Variants in ALS2CL observed in about 807,000 individuals in gnomAD.
ALS2CL encodes ALS2 C-terminal-like protein.
Under a neutral mutation model 127.9 loss-of-function variants are expected in ALS2CL, and 112 were observed. The ratio of observed to expected loss-of-function variants is 0.88; its 90% CI spans 0.75 to 1.02. ALS2CL has a LOEUF of 1.02. Among genes scored for constraint, ALS2CL ranks in the 50% least tolerant of loss-of-function variants. The pLI, the probability that ALS2CL is intolerant of heterozygous loss-of-function variation, is 0.00. For missense variants in ALS2CL, 1,174 were observed against 1,236.7 expected (o/e 0.95, Z 0.76); for synonymous variants, 519 against 527.6 (o/e 0.98, Z 0.22).
chr3:46,683,432 T>C (rs1436908225), intron 9 of ALS2CL, 106 bp from the exon 10 acceptor site: 5 of 1,152,122 alleles, frequency 4.3e-6, no homozygotes, highest in Non-Finnish European at 6.2e-6. Flanking sequence ...ACCCTCCACC[T>C]CCTACTCCAT....
chr3:46,670,967 G>A lies in ALS2CL; in HGVS notation c.*17C>T. On this transcript the variant is annotated 3_prime_UTR_variant, in exon 26 of 26. Coordinates refer to ENST00000318962, the MANE Select transcript of ALS2CL (RefSeq NM_147129.5). The surrounding 1 kb of genome is among the most constrained non-coding windows in gnomAD (Gnocchi z 5.5). ...AGTGCCCTGCTCAGCTCTTCAGTCT[G>A]TCCAGGAAAGGCCAGGCTACCAGAG... 1 of 1,610,256 alleles carries A rather than the reference G, an allele frequency of 6.2e-7. No individual in the cohort carries two copies. The highest frequency in any genetic ancestry group is 8.5e-7 in the Non-Finnish European group (1 of 1,176,504).
At chr3:46,689,154 G>C (rs1000423727) in intron 2 of ALS2CL, among the ~76,000 whole-genome samples, 184 bp downstream of exon 2, 6 of 152,220 alleles carry the variant, frequency 3.9e-5, no homozygotes, top group Non-Finnish European at 8.8e-5. Context: ...GCTTGAACCT[G>C]GGAGGCAGAG....
At chr3:46,692,302 GGAGGAGGTGCTGAACCTTAATAT>G in intron 1 of ALS2CL, among the ~76,000 whole-genome samples, 1 of 152,280 alleles carries the variant, frequency 6.6e-6, no homozygotes, top group South Asian at 2.1e-4. Context: ...CAGGGCAGGA[GGAGGAGGTGCTGAACCTTAATAT>G]GAGGAGGATC....
chr3:46,679,577 G>A (rs1699156860), intron 14 of ALS2CL: 1 of 222,944 alleles, frequency 4.5e-6, no homozygotes, highest in Non-Finnish European at 8.8e-6. Context: ...AAGAAATGTG[G>A]GGCTTTCTCT....
At chr3:46,676,522 G>A in intron 18 of ALS2CL, 120 bp from the exon 19 acceptor site, 2 of 1,541,906 alleles carry the variant, frequency 1.3e-6, no homozygotes, top group Non-Finnish European at 1.8e-6. Flanking sequence ...GGTCCTCTGA[G>A]GACAAGGGAT....
intron 14 of ALS2CL, 115 bp downstream of exon 14, chr3:46,680,314 AC>A: frequency 8.7e-7 from 1 of 1,151,644 alleles, no homozygotes; most frequent in Non-Finnish European, 1.3e-6. Context: ...TCCCTCCAGC[AC>A]CCAGGAACAC....
chr3:46,681,105 A>C lies in ALS2CL; in HGVS notation c.1436+141T>G. On this transcript the variant is annotated intron_variant, in intron 13 of 25. Transcript: ENST00000318962. This position sits in a 1 kb window ranked among gnomAD's most constrained non-coding sequence, Gnocchi z 4.9. ...TTCGCTCAGCCTGAGCCTCCGCAGC[A>C]ACCGAGGGACTGGAGGGGAAGTGAG... The C allele has an allele frequency of 7.4e-7, 1 of 1,353,954 alleles. No individual in the cohort carries two copies. Among genetic ancestry groups the C allele is most frequent in the Non-Finnish European group, 1.0e-6 (1 of 955,388 alleles). The allele number at this position is 1,353,954 out of a possible 1,614,324, so 83.9% of individuals were successfully genotyped here.
intron 6 of ALS2CL, among the ~76,000 whole-genome samples, chr3:46,685,993 C>T (rs1046289764): frequency 6.6e-6 from 1 of 152,206 alleles, no homozygotes; most frequent in Admixed American, 6.5e-5. Flanking sequence ...GGGGACTCTC[C>T]TCCCTGCAGG....
chr3:46,670,961 C>T lies in ALS2CL; in HGVS notation c.*23G>A, dbSNP rs757945773. On this transcript the variant is annotated 3_prime_UTR_variant, in exon 26 of 26. Coordinates refer to ENST00000318962, the MANE Select transcript of ALS2CL (RefSeq NM_147129.5). This position sits in a 1 kb window ranked among gnomAD's most constrained non-coding sequence, Gnocchi z 5.5. ...GCTGGCAGTGCCCTGCTCAGCTCTTCAGTCTGTCCAGGAAAGGCCAGGCTA... is the reference window on the plus strand; with the variant it reads ...GCTGGCAGTGCCCTGCTCAGCTCTTTAGTCTGTCCAGGAAAGGCCAGGCTA... 1.2e-6 allele frequency: 2 copies of T among 1,606,516 alleles called. No individual in the cohort carries two copies. The highest frequency in any genetic ancestry group is 1.7e-6 in the Non-Finnish European group (2 of 1,173,160).
rs192612120 is a variant in ALS2CL at position 46,681,069 on chromosome 3, C to T, written c.1436+177G>A. The T allele has an allele frequency of 2.1e-5, 22 of 1,030,918 alleles. No individual in the cohort carries two copies. The East Asian group carries it at 4.1e-4, about 19-fold the overall frequency. The allele number at this position is 1,030,918 out of a possible 1,614,324, so 63.9% of individuals were successfully genotyped here. On this transcript the variant is annotated intron_variant, in intron 13 of 25. Coordinates refer to ENST00000318962, the MANE Select transcript of ALS2CL (RefSeq NM_147129.5). This position sits in a 1 kb window ranked among gnomAD's most constrained non-coding sequence, Gnocchi z 4.9. ...GGGGCGGGGGCGACCCTGCAGTCAG[C>T]GTGACCAAGATTCGCTCAGCCTGAG... is the stretch of plus-strand genomic sequence containing the variant.
intron 14 of ALS2CL, chr3:46,680,159 T>A: frequency 2.2e-6 from 1 of 450,998 alleles, no homozygotes; most frequent in East Asian, 3.5e-5. Flanking sequence ...CATGAGCAAG[T>A]GCTCCATTCT....
rs1477927463 is a variant in ALS2CL, at chr3:46,685,641, C to T, written c.670G>A (p.Val224Met). ...AGTCTGTGAGCAGGGGTGCAGAGCA[C>T]ATCCTGGTGGGGCAAAGAGGACAGT... ...WHTLRGRLRD[V>M]LCTPAHRLLQ... Residue 224 changes from valine to methionine, a missense_variant, in exon 7 of 26, where the codon GTG (valine) becomes ATG (methionine). By Grantham distance (21) the Val-to-Met change is conservative (BLOSUM62 1). Transcript: ENST00000318962. The T allele has an allele frequency of 6.2e-7, 1 of 1,613,388 alleles. No homozygotes were observed. Among genetic ancestry groups the T allele is most frequent in the African/African-American group, 1.3e-5 (1 of 74,898 alleles).
At chr3:46,682,287 G>A (rs56069285) in intron 10 of ALS2CL, among the ~76,000 whole-genome samples, 193 bp from the exon 11 acceptor site, 41,857 of 151,976 alleles carry the variant, frequency 0.28, 5,973 homozygotes, top group African/African-American at 0.34. Context: ...TGGCCCAACT[G>A]TACCAGCAGC....
At position 46,669,562 on chromosome 3, in the gene ALS2CL, G is replaced by A. The variant is rs1698241407; in HGVS notation, c.*1422C>T. 1 of 152,242 alleles carries A rather than the reference G, an allele frequency of 6.6e-6. No homozygotes were observed. The highest frequency in any genetic ancestry group is 2.4e-5 in the African/African-American group (1 of 41,442). The allele number at this position is 152,242 out of a possible 1,614,324, so 9.4% of individuals were successfully genotyped here. A position where few individuals can be genotyped will look rare whatever the true frequency, so the allele number is the denominator to read the frequency against. On this transcript the variant is annotated 3_prime_UTR_variant, in exon 26 of 26. Coordinates refer to ENST00000318962, the MANE Select transcript of ALS2CL (RefSeq NM_147129.5). ...GGAAAGGATAGAATCCTAGTGAGCT[G>A]CCCCAGTCCCGGTAAGCATGAGTGC... is the stretch of plus-strand genomic sequence containing the variant.
rs2106701205 is a variant in ALS2CL at position 46,676,670 on chromosome 3, G to A, written c.2000C>T (p.Pro667Leu). 1 of 1,613,470 alleles carries A rather than the reference G, an allele frequency of 6.2e-7. No individual in the cohort carries two copies. The highest frequency in any genetic ancestry group is 2.2e-5 in the East Asian group (1 of 44,864). The stretch of plus-strand genomic sequence containing the variant: ...CCTGAGGTACAGCTGCAGGGCCTTG[G>A]GCTCCCGGTGCTGCAGCAGCTCCTC... ...ILEELLQHREPKALQLYLRKA... is the reference protein window; with the variant it reads ...ILEELLQHRELKALQLYLRKA... The change falls in exon 18 of 26, where the codon CCC becomes CTC. Residue 667 changes from proline (P) to leucine (L), a missense_variant. Coordinates refer to ENST00000318962, the MANE Select transcript of ALS2CL (RefSeq NM_147129.5).
intron 21 of ALS2CL, 63 bp from the exon 22 acceptor site, chr3:46,673,444 G>A: frequency 6.6e-7 from 1 of 1,506,734 alleles, no homozygotes; most frequent in African/African-American, 1.4e-5. Flanking sequence ...TGAGGTCAGA[G>A]GGCAAATTCC....
chr3:46,680,179 A>C, intron 14 of ALS2CL: 1 of 503,708 alleles, frequency 2.0e-6, no homozygotes, highest in Non-Finnish European at 3.6e-6. Flanking sequence ...TTGTTAGTTC[A>C]TTGAGTCTAT....
At chr3:46,677,596 C>G (rs374247293) in intron 16 of ALS2CL, 3 of 172,656 alleles carry the variant, frequency 1.7e-5, no homozygotes, top group African/African-American at 7.2e-5. Flanking sequence ...GCAGGGACAG[C>G]GGGCCAAGTA....
intron 1 of ALS2CL, chr3:46,693,367 C>G (rs1379663789): frequency 6.6e-6 from 1 of 152,348 alleles, no homozygotes; most frequent in Non-Finnish European, 1.5e-5. Flanking sequence ...GGCAGTCTCT[C>G]CTGCTGGCTG....
Sources: allele counts gnomAD v4.1 joint callset (sites outside exome capture counted in the v4.1 genomes callset), GRCh38; gene constraint gnomAD v4.1.1; non-coding constraint Gnocchi (gnomAD v3.1); transcripts MANE v1.5; gene names NCBI Gene and HGNC (gene_info 2026-07-23, HGNC 2026-07-21).